SGCZ: variants seen among roughly 807,000 people sequenced by gnomAD.
The protein encoded by SGCZ is sarcoglycan zeta, also known as zeta-sarcoglycan.
A neutral mutation model predicts 41.3 loss-of-function variants in SGCZ; 40 were observed. The observed-to-expected ratio is 0.97, with a 90% CI of 0.75 to 1.26. SGCZ has a LOEUF of 1.26. Ranked by LOEUF, SGCZ falls within the 50% of genes most tolerant of loss-of-function variation. The pLI is 0.00. For missense variants in SGCZ, 552 were observed against 369.8 expected, an observed-to-expected ratio of 1.49 and a Z score of -4.04; for synonymous variants, 206 against 137.5, an observed-to-expected ratio of 1.50 and a Z score of -3.49.
chr8:14,732,758 A>G (rs1385806477), intron 1 of SGCZ, among the ~76,000 whole-genome samples: 3 of 152,132 alleles, frequency 2.0e-5, no homozygotes, highest in African/African-American at 7.2e-5. Context: ...ACAATAAGTG[A>G]TAGAGAAGTA....
At chr8:14,965,021 C>T (rs1273800350) in intron 1 of SGCZ, among the ~76,000 whole-genome samples, 1 of 152,104 alleles carries the variant, frequency 6.6e-6, no homozygotes, top group Admixed American at 6.6e-5. Flanking sequence ...GGAGGAGACT[C>T]ATTTGTGTCC....
chr8:14,462,988 G>C (rs563787543), intron 2 of SGCZ, among the ~76,000 whole-genome samples: 150 of 151,482 alleles, frequency 9.9e-4, no homozygotes, highest in African/African-American at 3.6e-3. Flanking sequence ...TTTTCAAATG[G>C]TTTATTTTTA....
intron 1 of SGCZ, among the ~76,000 whole-genome samples, chr8:14,796,479 T>C (rs1361392856): frequency 6.6e-6 from 1 of 152,210 alleles, no homozygotes; most frequent in Non-Finnish European, 1.5e-5. Flanking sequence ...TTTGAGTATT[T>C]TCTTTATGAA....
intron 1 of SGCZ, among the ~76,000 whole-genome samples, chr8:14,564,200 CT>C (rs1232930482): frequency 2.0e-5 from 3 of 152,154 alleles, no homozygotes; most frequent in Non-Finnish European, 4.4e-5. Flanking sequence ...ATGCAACATC[CT>C]TGTGACCATG....
chr8:14,422,898 C>T (rs1253264713), intron 2 of SGCZ, among the ~76,000 whole-genome samples: 1 of 151,964 alleles, frequency 6.6e-6, no homozygotes, highest in African/African-American at 2.4e-5. Flanking sequence ...CATGGTGATG[C>T]ACACATTTAG....
intron 1 of SGCZ, among the ~76,000 whole-genome samples, chr8:14,642,343 G>A (rs942629076): frequency 1.3e-5 from 2 of 151,500 alleles, no homozygotes; most frequent in African/African-American, 4.8e-5. Context: ...CCATCTCCTT[G>A]TTAAGTCAGA....
intron 2 of SGCZ, among the ~76,000 whole-genome samples, chr8:14,544,875 C>T (rs972631345): frequency 6.6e-6 from 1 of 152,152 alleles, no homozygotes; most frequent in Admixed American, 6.6e-5. Flanking sequence ...CCTGTTCCCT[C>T]AGAAGCATGT....
intron 1 of SGCZ, among the ~76,000 whole-genome samples, chr8:14,919,886 C>A (rs915637431): frequency 5.3e-5 from 8 of 152,152 alleles, no homozygotes; most frequent in African/African-American, 1.7e-4. Context: ...CCACTGCACT[C>A]CAGCCTGGGT....
chr8:14,574,798 C>T (rs1444081912), intron 1 of SGCZ, among the ~76,000 whole-genome samples: 2 of 152,026 alleles, frequency 1.3e-5, no homozygotes, highest in Middle Eastern at 3.2e-3. Context: ...AAAGAATTTA[C>T]CCACTACAGT....
chr8:14,231,643 T>C (rs1219093992), intron 4 of SGCZ, among the ~76,000 whole-genome samples: 1 of 152,152 alleles, frequency 6.6e-6, no homozygotes, highest in Non-Finnish European at 1.5e-5. Context: ...ACTACCCTTT[T>C]TGTTATGAAT....
chr8:14,886,035 A>T (rs1804792681), intron 1 of SGCZ, among the ~76,000 whole-genome samples: 1 of 114,774 alleles, frequency 8.7e-6, no homozygotes, highest in Non-Finnish European at 1.8e-5. Context: ...ATATATATAT[A>T]AAATTGTATA....
chr8:14,609,303 G>A (rs1805852743), intron 1 of SGCZ, among the ~76,000 whole-genome samples: 1 of 151,930 alleles, frequency 6.6e-6, no homozygotes, highest in South Asian at 2.1e-4. Flanking sequence ...CGTCAATGCT[G>A]GTATTACAAT....
intron 1 of SGCZ, among the ~76,000 whole-genome samples, chr8:15,148,983 T>C (rs1009353376): frequency 9.9e-5 from 15 of 152,190 alleles, no homozygotes; most frequent in Admixed American, 6.5e-4. Context: ...ACAGATATAC[T>C]GCTGTGTGAG....
chr8:14,582,025 CCCT>C (rs1253216981), intron 1 of SGCZ, among the ~76,000 whole-genome samples: 1 of 152,076 alleles, frequency 6.6e-6, no homozygotes, highest in African/African-American at 2.4e-5. Flanking sequence ...TTCCTCTTCT[CCCT>C]CCTCCTCAGC....
At chr8:15,015,686 T>C (rs1220543953) in intron 1 of SGCZ, among the ~76,000 whole-genome samples, 5 of 5,156 alleles carry the variant, frequency 9.7e-4, no homozygotes, top group African/African-American at 1.5e-3. Context: ...AGACTCCATC[T>C]CAAAAAAAAA....
At position 15,176,259 on chromosome 8, in the gene SGCZ, C is replaced by T. The variant is rs547278832; in HGVS notation, c.39+61326G>A. Among the ~76,000 whole-genome samples the T allele has an allele frequency of 1.4e-4, 21 of 152,144 alleles. No homozygotes were observed. In the East Asian group the frequency reaches 2.1e-3, roughly 15 times the overall value. ...AAGTTACTGTCTAGGGAAGTGTTAA[C>T]GGAATCCTCAGTCATGGGTTATCTG... On this transcript the variant is annotated intron_variant, in intron 1 of 7. Transcript: ENST00000382080.
At chr8:15,199,359 A>G (rs1800826052) in intron 1 of SGCZ, among the ~76,000 whole-genome samples, 1 of 152,166 alleles carries the variant, frequency 6.6e-6, no homozygotes, top group African/African-American at 2.4e-5. Flanking sequence ...TCAACCATTA[A>G]AGTAATTTAA....
chr8:15,104,971 A>G (rs1177498798), intron 1 of SGCZ, among the ~76,000 whole-genome samples: 1 of 152,168 alleles, frequency 6.6e-6, no homozygotes, highest in Non-Finnish European at 1.5e-5. Context: ...ACTGTCATCA[A>G]AGGGTTTGTA....
intron 1 of SGCZ, among the ~76,000 whole-genome samples, chr8:15,134,991 T>G (rs542552418): frequency 2.0e-5 from 3 of 152,186 alleles, no homozygotes; most frequent in Non-Finnish European, 4.4e-5. Flanking sequence ...AGCTACCAAT[T>G]TGCTAGACTT....
Sources: gnomAD v4.1 joint callset for allele counts (sites outside exome capture counted in the v4.1 genomes callset) on GRCh38, gnomAD v4.1.1 for gene constraint, MANE v1.5 for transcripts, NCBI Gene and HGNC (gene_info 2026-07-23, HGNC 2026-07-21) for gene names.